NRG1: variants seen among roughly 807,000 people sequenced by gnomAD.
NRG1 encodes pro-neuregulin-1, membrane-bound isoform.
A neutral mutation model predicts 63.8 loss-of-function variants in NRG1; 18 were observed. The observed-to-expected ratio is 0.28, with a 90% confidence interval of 0.19 to 0.42. The LOEUF is 0.42. Ranked by LOEUF, NRG1 falls within the 10% of genes least tolerant of loss-of-function variation. The pLI, the probability that NRG1 is intolerant of heterozygous loss-of-function variation, is 1.00. For synonymous variants in NRG1, 302 were observed against 301.3 expected (o/e 1.00, Z -0.02); for missense variants, 762 against 814.7 (o/e 0.94, Z 0.79).
chr8:32,600,969 A>T (rs1403482425), intron 2 of NRG1, among the ~76,000 whole-genome samples: 3 of 152,182 alleles, frequency 2.0e-5, no homozygotes, highest in African/African-American at 7.2e-5. Flanking sequence ...CAGAAAAGAA[A>T]AAAAGAAGAC....
At chr8:32,278,322 G>A (rs994951618) in intron 1 of NRG1, among the ~76,000 whole-genome samples, 3 of 151,906 alleles carry the variant, frequency 2.0e-5, no homozygotes, top group African/African-American at 7.3e-5. Context: ...GCAATTTGGG[G>A]GGAAAAAAAG....
At chr8:32,346,970 C>T (rs1432985276) in intron 1 of NRG1, among the ~76,000 whole-genome samples, 1 of 152,012 alleles carries the variant, frequency 6.6e-6, no homozygotes, top group Non-Finnish European at 1.5e-5. Flanking sequence ...GCTGGGACTA[C>T]AGGCTCCTGC....
intron 1 of NRG1, among the ~76,000 whole-genome samples, chr8:31,930,970 T>C (rs1834810739): frequency 6.6e-6 from 1 of 152,208 alleles, no homozygotes; most frequent in Non-Finnish European, 1.5e-5. Flanking sequence ...CCTGCTTATG[T>C]TTCTCAGGAT....
chr8:32,743,892 CACA>C (rs1489914831), intron 7 of NRG1, among the ~76,000 whole-genome samples: 3 of 151,968 alleles, frequency 2.0e-5, no homozygotes, highest in Non-Finnish European at 4.4e-5. Flanking sequence ...CCATCACTGT[CACA>C]ACAACTCAAA....
At chr8:31,801,640 G>C (rs976827881) in intron 1 of NRG1, among the ~76,000 whole-genome samples, 1 of 152,030 alleles carries the variant, frequency 6.6e-6, no homozygotes, top group African/African-American at 2.4e-5. Flanking sequence ...CCAATCTTTG[G>C]TATCCTTCTG....
intron 5 of NRG1, among the ~76,000 whole-genome samples, chr8:32,655,496 T>C (rs917633407): frequency 6.6e-6 from 1 of 152,142 alleles, no homozygotes; most frequent in African/African-American, 2.4e-5. Flanking sequence ...ATATATTGAA[T>C]TCCTTCTTTG....
At chr8:32,190,522 T>C (rs1229138222) in intron 1 of NRG1, among the ~76,000 whole-genome samples, 1 of 152,228 alleles carries the variant, frequency 6.6e-6, no homozygotes, top group South Asian at 2.1e-4. Context: ...CATAGTGCTC[T>C]CAACTCTATT....
At chr8:31,837,624 C>T (rs1825799922) in intron 1 of NRG1, among the ~76,000 whole-genome samples, 1 of 151,980 alleles carries the variant, frequency 6.6e-6, no homozygotes, top group Non-Finnish European at 1.5e-5. Flanking sequence ...CCAACCTCTT[C>T]CCATCTCCCA....
At chr8:32,707,863 T>A (rs1165698811) in intron 5 of NRG1, among the ~76,000 whole-genome samples, 1 of 151,944 alleles carries the variant, frequency 6.6e-6, no homozygotes, top group Non-Finnish European at 1.5e-5. Flanking sequence ...GCATCTTTGT[T>A]CTCTCAATAA....
At chr8:31,699,783 C>T (rs991820343) in intron 1 of NRG1, among the ~76,000 whole-genome samples, 5 of 151,894 alleles carry the variant, frequency 3.3e-5, no homozygotes, top group Non-Finnish European at 5.9e-5. Context: ...CAGAAACATA[C>T]AATTCTGAGA....
intron 1 of NRG1, among the ~76,000 whole-genome samples, chr8:31,966,825 A>C (rs546382773): frequency 2.1e-4 from 30 of 145,232 alleles, no homozygotes; most frequent in Admixed American, 3.6e-4. Flanking sequence ...ATTTGAACAC[A>C]ACTGCAATCC....
At chr8:32,272,017 C>G (rs1851602021) in intron 1 of NRG1, among the ~76,000 whole-genome samples, 1 of 152,142 alleles carries the variant, frequency 6.6e-6, no homozygotes, top group South Asian at 2.1e-4. Context: ...ACAATTAATT[C>G]ATTTATTTAC....
intron 3 of NRG1, among the ~76,000 whole-genome samples, chr8:32,612,996 C>A (rs1425825685): frequency 6.6e-6 from 1 of 152,032 alleles, no homozygotes; most frequent in Admixed American, 6.6e-5. Flanking sequence ...TCATTTTCTG[C>A]AGCCCAAATC....
At chr8:32,513,277 A>G (rs1829434084) in intron 1 of NRG1, among the ~76,000 whole-genome samples, 1 of 151,870 alleles carries the variant, frequency 6.6e-6, no homozygotes, top group Admixed American at 6.6e-5. Context: ...AACATGCTTA[A>G]GCAAGTGATA....
intron 1 of NRG1, among the ~76,000 whole-genome samples, chr8:32,364,075 CTTTTTTTTTTT>C (rs932903875): frequency 7.6e-5 from 5 of 65,520 alleles, no homozygotes; most frequent in East Asian, 4.9e-4. Flanking sequence ...TCTGACTAGT[CTTTTTTTTTTT>C]TTTTTTTTTT....
chr8:32,403,136 T>C (rs959225514), intron 1 of NRG1, among the ~76,000 whole-genome samples: 7 of 151,668 alleles, frequency 4.6e-5, no homozygotes, highest in African/African-American at 1.7e-4. Context: ...CCGTCTCTAC[T>C]AAAAATATAA....
intron 1 of NRG1, among the ~76,000 whole-genome samples, chr8:32,572,026 C>T (rs1451635780): frequency 6.6e-6 from 1 of 152,044 alleles, no homozygotes; most frequent in African/African-American, 2.4e-5. Flanking sequence ...ACTTTTATGT[C>T]CTATCTTCTC....
rs143157950 is a variant in NRG1, at chr8:31,858,847, C to T, written c.37+219416C>T. ...TTCAGAAGTTGAATGCATTGGGTTACGAAGTTTTGCCTCATTTGCCATATT... is the reference window on the plus strand; with the variant it reads ...TTCAGAAGTTGAATGCATTGGGTTATGAAGTTTTGCCTCATTTGCCATATT... On this transcript the variant is annotated intron_variant, in intron 1 of 10. Coordinates refer to the NRG1 transcript ENST00000519301. Among the ~76,000 whole-genome samples the T allele has an allele frequency of 9.9e-4, 150 of 152,276 alleles. 2 individuals are homozygous for T. The highest frequency in any genetic ancestry group is 1.6e-3 in the Non-Finnish European group (108 of 68,022).
At chr8:31,829,956 C>T (rs965240439) in intron 1 of NRG1, among the ~76,000 whole-genome samples, 17 of 152,204 alleles carry the variant, frequency 1.1e-4, no homozygotes, top group Middle Eastern at 6.3e-3. Flanking sequence ...ACCACTTTCT[C>T]ACTAGGCTAG....
Sources: gnomAD v4.1 joint callset for allele counts (sites outside exome capture counted in the v4.1 genomes callset) on GRCh38, gnomAD v4.1.1 for gene constraint, MANE v1.5 for transcripts, NCBI Gene and HGNC (gene_info 2026-07-23, HGNC 2026-07-21) for gene names.